Variants in PHF24 observed in about 807,000 individuals in gnomAD.
The protein encoded by PHF24 is Galpha inhibitory interacting protein.
A neutral mutation model predicts 42.6 loss-of-function variants in PHF24; 25 were observed. The observed-to-expected ratio is 0.59, with a 90% confidence interval of 0.43 to 0.82. The LOEUF (loss-of-function observed/expected upper bound fraction) is 0.82. Among genes scored for constraint, PHF24 ranks in the 40% least tolerant of loss-of-function variants. The pLI is 0.00. For missense variants in PHF24, 470 were observed against 538.1 expected, an observed-to-expected ratio of 0.87 and a Z score of 1.25; for synonymous variants, 185 against 204.8, an observed-to-expected ratio of 0.90 and a Z score of 0.83.
At chr9:34,731,753 G>A in the PHF24 span, among the ~76,000 whole-genome samples, 1 of 152,142 alleles carries the variant, frequency 6.6e-6, no homozygotes, top group African/African-American at 2.4e-5. Context: ...AAATATAGGA[G>A]TGCAGATATC....
At chr9:34,924,419 GTAA>G in the PHF24 span, among the ~76,000 whole-genome samples, 7 of 152,120 alleles carry the variant, frequency 4.6e-5, no homozygotes, top group African/African-American at 1.7e-4. Context: ...CTCTCTAGCT[GTAA>G]TAATATTTGC....
chr9:34,928,409 C>T, the PHF24 span, among the ~76,000 whole-genome samples: 3 of 152,116 alleles, frequency 2.0e-5, no homozygotes, highest in Non-Finnish European at 2.9e-5. Flanking sequence ...ATCAAAACAT[C>T]TCATGTACCC....
At chr9:34,901,998 T>C in the PHF24 span, among the ~76,000 whole-genome samples, 1 of 152,234 alleles carries the variant, frequency 6.6e-6, no homozygotes, top group African/African-American at 2.4e-5. Flanking sequence ...CATGGAGGTA[T>C]GTTATTTGAA....
chr9:34,829,686 A>G, the PHF24 span, among the ~76,000 whole-genome samples: 24 of 152,144 alleles, frequency 1.6e-4, no homozygotes, highest in African/African-American at 4.8e-4. Context: ...ACTATGCATT[A>G]GCTACTTTCT....
At chr9:34,675,783 C>A in the PHF24 span, among the ~76,000 whole-genome samples, 2 of 151,998 alleles carry the variant, frequency 1.3e-5, no homozygotes, top group Non-Finnish European at 2.9e-5. Flanking sequence ...AAACAAGGGC[C>A]CCTGGATGTA....
chr9:34,755,370 C>A, the PHF24 span, among the ~76,000 whole-genome samples: 1 of 151,866 alleles, frequency 6.6e-6, no homozygotes, highest in Non-Finnish European at 1.5e-5. Flanking sequence ...ATGAAGAATT[C>A]CCTTTTCTCT....
the PHF24 span, chr9:34,691,054 C>G: frequency 1.3e-6 from 2 of 1,563,102 alleles, no homozygotes; most frequent in East Asian, 2.3e-5. Context: ...TGCCAGCCCC[C>G]CACTGCCTCT....
upstream of PHF24, among the ~76,000 whole-genome samples, chr9:34,953,762 G>A (rs865789882): frequency 6.6e-6 from 1 of 151,774 alleles, no homozygotes; most frequent in Middle Eastern, 3.4e-3. The surrounding 1 kb of genome is among the most constrained non-coding windows in gnomAD (Gnocchi z 4.1). Context: ...CTGGGCAACA[G>A]TGAGACCCCC....
At chr9:34,825,133 G>A in the PHF24 span, among the ~76,000 whole-genome samples, 2 of 151,924 alleles carry the variant, frequency 1.3e-5, no homozygotes, top group African/African-American at 2.4e-5. Flanking sequence ...CGAGGATAAC[G>A]TGGACTAAGT....
At chr9:34,711,874 G>C in the PHF24 span, among the ~76,000 whole-genome samples, 2 of 152,084 alleles carry the variant, frequency 1.3e-5, no homozygotes, top group African/African-American at 4.8e-5. Flanking sequence ...AGAGATCTTT[G>C]TTTCTTTGTG....
the PHF24 span, among the ~76,000 whole-genome samples, chr9:34,742,726 G>A: frequency 9.5e-6 from 1 of 104,882 alleles, no homozygotes; most frequent in South Asian, 3.4e-4. Context: ...CACAATGCCC[G>A]GCTTCTTTTT....
chr9:34,670,592 C>T, the PHF24 span, among the ~76,000 whole-genome samples: 1 of 152,176 alleles, frequency 6.6e-6, no homozygotes, highest in East Asian at 1.9e-4. Context: ...CCGAGAATTT[C>T]AGCAATAAGC....
the PHF24 span, among the ~76,000 whole-genome samples, chr9:34,751,291 G>T: frequency 2.6e-4 from 40 of 152,324 alleles, no homozygotes; most frequent in African/African-American, 9.1e-4. Context: ...CTTGAACACA[G>T]GAGGTGGAGG....
At chr9:34,715,645 C>T in the PHF24 span, among the ~76,000 whole-genome samples, 1 of 152,152 alleles carries the variant, frequency 6.6e-6, no homozygotes. Flanking sequence ...GGCCTAGGTG[C>T]AGAGGAGTGC....
chr9:34,694,086 G>A, the PHF24 span, among the ~76,000 whole-genome samples: 6 of 150,610 alleles, frequency 4.0e-5, no homozygotes, highest in Non-Finnish European at 8.9e-5. Context: ...TCCCAAAGTG[G>A]TCTACAGATT....
the PHF24 span, chr9:34,892,729 C>T: frequency 2.2e-6 from 1 of 464,150 alleles, no homozygotes; most frequent in Non-Finnish European, 3.8e-6. Flanking sequence ...TTCCAGGCTT[C>T]TCAAAGTTTG....
the PHF24 span, among the ~76,000 whole-genome samples, chr9:34,687,574 G>T: frequency 1.1e-4 from 17 of 152,164 alleles, no homozygotes; most frequent in African/African-American, 4.1e-4. Context: ...CCTCCTGGCG[G>T]CAGTGTCATG....
intron 6 of PHF24, 140 bp from the exon 7 acceptor site, chr9:34,977,396 GGCATAGGACA>G (rs1202316194): frequency 3.3e-6 from 4 of 1,197,930 alleles, no homozygotes; most frequent in Non-Finnish European, 4.8e-6. Flanking sequence ...TACGGGCCAG[GGCATAGGACA>G]GCCTCTGCCT....
chr9:34,735,715 C>A, the PHF24 span, among the ~76,000 whole-genome samples: 203 of 151,780 alleles, frequency 1.3e-3, 1 homozygote, highest in African/African-American at 4.5e-3. Flanking sequence ...AGGAGAATCG[C>A]TTGAATCCGG....
Sources: gnomAD v4.1 joint callset for allele counts (sites outside exome capture counted in the v4.1 genomes callset) on GRCh38, gnomAD v4.1.1 for gene constraint, Gnocchi (gnomAD v3.1) non-coding constraint, MANE v1.5 for transcripts, NCBI Gene and HGNC (gene_info 2026-07-23, HGNC 2026-07-21) for gene names.